The following RYR2 variants were observed in gnomAD, a reference collection of about 807,000 sequenced individuals.
RYR2 encodes the protein ryanodine receptor 2.
Under a neutral mutation model 601.1 loss-of-function variants are expected in RYR2, and 227 were observed. The ratio of observed to expected loss-of-function variants is 0.38; its 90% CI spans 0.34 to 0.42. The LOEUF (loss-of-function observed/expected upper bound fraction) is 0.42. Among genes scored for constraint, RYR2 ranks in the 10% least tolerant of loss-of-function variants. RYR2 has a pLI of 1.00. For synonymous variants in RYR2, 2,223 were observed against 2,175.1 expected (o/e 1.02, Z -0.61); for missense variants, 4,646 against 6,156.5 (o/e 0.75, Z 8.21).
At chr1:237,549,570 A>G (rs151119248) in intron 26 of RYR2, among the ~76,000 whole-genome samples, 1 of 145,120 alleles carries the variant, frequency 6.9e-6, no homozygotes, top group Non-Finnish European at 1.5e-5. Context: ...ACAACACAGT[A>G]TTTACAGTAT....
chr1:237,314,811 AAAATGCAC>A (rs1263458206), intron 2 of RYR2, among the ~76,000 whole-genome samples: 3 of 152,200 alleles, frequency 2.0e-5, no homozygotes, highest in African/African-American at 7.2e-5. Flanking sequence ...TGGTTTAACA[AAAATGCAC>A]TTCAGCAGGC....
intron 2 of RYR2, among the ~76,000 whole-genome samples, chr1:237,281,757 A>C (rs1294771789): frequency 1.3e-5 from 2 of 152,206 alleles, no homozygotes; most frequent in Admixed American, 1.3e-4. Context: ...CTGAGGGCTT[A>C]TTGCAAACAG....
chr1:237,813,696 C>A (rs1016163766), intron 100 of RYR2, among the ~76,000 whole-genome samples: 1 of 152,126 alleles, frequency 6.6e-6, no homozygotes, highest in Non-Finnish European at 1.5e-5. Context: ...AACTTGGTTC[C>A]GGTGAGGAAA....
intron 58 of RYR2, among the ~76,000 whole-genome samples, chr1:237,673,346 C>T (rs954779538): frequency 1.6e-4 from 24 of 151,966 alleles, no homozygotes; most frequent in African/African-American, 5.5e-4. Flanking sequence ...AAATTTTAAC[C>T]AAAATTTTTA....
chr1:237,415,761 T>G (rs1249959704), intron 10 of RYR2, among the ~76,000 whole-genome samples: 2 of 152,178 alleles, frequency 1.3e-5, no homozygotes, highest in African/African-American at 4.8e-5. Flanking sequence ...CTTTTGGAAC[T>G]GGATTTGAAA....
chr1:237,418,656 CTTCT>C (rs1214726913), intron 11 of RYR2, among the ~76,000 whole-genome samples: 2 of 152,054 alleles, frequency 1.3e-5, no homozygotes, highest in Non-Finnish European at 1.5e-5. Flanking sequence ...TGAAAATGGT[CTTCT>C]TTAACAATAA....
At chr1:237,391,001 C>G (rs1439065560) in intron 10 of RYR2, among the ~76,000 whole-genome samples, 1 of 152,088 alleles carries the variant, frequency 6.6e-6, no homozygotes, top group Non-Finnish European at 1.5e-5. Flanking sequence ...CAGCATGGAG[C>G]TGAAGGGATG....
intron 1 of RYR2, among the ~76,000 whole-genome samples, chr1:237,198,991 A>G (rs188957587): frequency 6.6e-6 from 1 of 152,320 alleles, no homozygotes; most frequent in African/African-American, 2.4e-5. Flanking sequence ...ATTCAGGTCA[A>G]TGCCATGAAA....
intron 10 of RYR2, among the ~76,000 whole-genome samples, chr1:237,406,428 C>T (rs925048707): frequency 6.6e-6 from 1 of 151,288 alleles, no homozygotes; most frequent in Admixed American, 6.6e-5. Context: ...TGGCTAAATA[C>T]AATTATATTT....
intron 91 of RYR2, 102 bp from the exon 92 acceptor site, chr1:237,787,886 T>C (rs1657848745): frequency 1.8e-6 from 2 of 1,099,802 alleles, no homozygotes; most frequent in South Asian, 1.5e-5. Context: ...TCAAAAGTAA[T>C]ATGATGGCCT....
intron 1 of RYR2, among the ~76,000 whole-genome samples, chr1:237,059,674 T>C (rs1167797926): frequency 6.6e-6 from 1 of 152,156 alleles, no homozygotes; most frequent in Non-Finnish European, 1.5e-5. Context: ...AGGCCATGTA[T>C]TTATTTGGGG....
At chr1:237,740,303 T>A (rs1691498609) in intron 79 of RYR2, among the ~76,000 whole-genome samples, 1 of 152,228 alleles carries the variant, frequency 6.6e-6, no homozygotes, top group Non-Finnish European at 1.5e-5. Flanking sequence ...AAGTAGTTTT[T>A]ATAGGTTTGG....
intron 63 of RYR2, among the ~76,000 whole-genome samples, chr1:237,689,845 CTT>C (rs537648561): frequency 1.9e-4 from 27 of 140,268 alleles, no homozygotes; most frequent in Admixed American, 4.3e-4. Flanking sequence ...ATCTTTAAGT[CTT>C]TTTTTTTTTT....
intron 22 of RYR2, among the ~76,000 whole-genome samples, chr1:237,504,704 T>C (rs1572631136): frequency 6.6e-6 from 1 of 152,314 alleles, no homozygotes; most frequent in South Asian, 2.1e-4. Flanking sequence ...TCTGGGGTAA[T>C]GTACTGCACT....
chr1:237,613,663 A>G (rs1422752089), intron 36 of RYR2, among the ~76,000 whole-genome samples: 2 of 152,204 alleles, frequency 1.3e-5, no homozygotes, highest in Non-Finnish European at 2.9e-5. Flanking sequence ...GCCATTAAAC[A>G]TGTCATAGAA....
rs1158602609 is a variant in RYR2 at position 237,798,070 on chromosome 1, G to A, written c.13990G>A (p.Asp4664Asn). The A allele has an allele frequency of 6.2e-7, 1 of 1,611,558 alleles. No individual in the cohort carries two copies. The highest frequency in any genetic ancestry group is 1.3e-5 in the African/African-American group (1 of 74,912). The change falls in exon 97 of 105, where the codon GAC becomes AAC. Residue 4664 changes from aspartate to asparagine, a missense_variant. This residue lies in a region of RYR2 where 76 missense variants were observed against 97.4 expected (regional missense o/e 0.78). Transcript: ENST00000366574. ...TAAATATGGAGAGTTCTACGGCCGA[G>A]ACAGAATCAGTGAATTACTTGGCAT... ...MDKYGEFYGRDRISELLGMDK... is the reference protein window; with the variant it reads ...MDKYGEFYGRNRISELLGMDK...
chr1:237,371,112 C>CT (rs113800105), intron 6 of RYR2, among the ~76,000 whole-genome samples: 12,630 of 145,782 alleles, frequency 0.087, 570 homozygotes, highest in African/African-American at 0.12. Flanking sequence ...GTCCTTAAGG[C>CT]TTTTTTTTTT....
At chr1:237,408,222 C>G (rs930361558) in intron 10 of RYR2, among the ~76,000 whole-genome samples, 1 of 151,672 alleles carries the variant, frequency 6.6e-6, no homozygotes, top group African/African-American at 2.4e-5. Flanking sequence ...TTCATTTTGA[C>G]CTAAATTTAG....
In RYR2 at chr1:237,515,527, AG is replaced by A. The variant is rs1209639605; in HGVS notation, c.2822+3739del. On this transcript the variant is annotated intron_variant, in intron 24 of 104. Coordinates refer to ENST00000366574, the MANE Select transcript of RYR2 (RefSeq NM_001035.3). ...GGGATGGAGAGGAAAGCAGTATGGA[AG>A]GGAGACAAATAACTGATAAGGGGAG... Among the ~76,000 whole-genome samples the A allele has an allele frequency of 2.0e-5, 3 of 152,222 alleles. No homozygotes were observed. The East Asian group carries it at 5.8e-4, about 29-fold the overall frequency.
Sources: gnomAD v4.1 joint callset for allele counts (sites outside exome capture counted in the v4.1 genomes callset) on GRCh38, gnomAD v4.1.1 for gene constraint, gnomAD v4.1.1 regional missense constraint, MANE v1.5 for transcripts, NCBI Gene and HGNC (gene_info 2026-07-23, HGNC 2026-07-21) for gene names.